Variants in SPRED1 observed in about 807,000 individuals in gnomAD.
SPRED1 encodes the protein sprouty-related, EVH1 domain-containing protein 1.
SPRED1 carries 18 observed loss-of-function variants against 52.3 expected under a neutral mutation model. That is an observed-to-expected ratio of 0.34 (90% CI 0.24 to 0.51). The LOEUF (loss-of-function observed/expected upper bound fraction) is 0.51, where lower values mean the gene tolerates loss of function less well. Ranked by LOEUF, SPRED1 falls within the 20% of genes least tolerant of loss-of-function variation. The pLI is 0.97. For missense variants in SPRED1, 485 were observed against 551.0 expected, an observed-to-expected ratio of 0.88 and a Z score of 1.20; for synonymous variants, 155 against 179.7, an observed-to-expected ratio of 0.86 and a Z score of 1.10.
chr15:38,346,350 T>C lies in SPRED1; in HGVS notation c.583-3072T>C, dbSNP rs368654794. On this transcript the variant is annotated intron_variant, in intron 5 of 6. Transcript: ENST00000299084. ...AAATCCTCTGGATGGATAGATACATTGTTTCAAAGTCTTATAGGCCTGGAA... is the reference window on the plus strand; with the variant it reads ...AAATCCTCTGGATGGATAGATACATCGTTTCAAAGTCTTATAGGCCTGGAA... Among the ~76,000 whole-genome samples, 19 of 152,166 alleles carry C rather than the reference T, an allele frequency of 1.2e-4. No individual in the cohort carries two copies. The East Asian group carries it at 3.3e-3, about 26-fold the overall frequency.
At position 38,319,099 on chromosome 15, in the gene SPRED1, T is replaced by C. The variant is rs929568487; in HGVS notation, c.208-3142T>C. ...ATTAAAAATTAATTTGGTGTTATTA[T>C]TATATATTAAAAAACTAGAATCAAA... On this transcript the variant is annotated intron_variant, in intron 2 of 6. Coordinates refer to ENST00000299084, the MANE Select transcript of SPRED1 (RefSeq NM_152594.3). Among the ~76,000 whole-genome samples, 10 of 149,480 alleles carry C rather than the reference T, an allele frequency of 6.7e-5. No individual in the cohort carries two copies. In the South Asian group the frequency reaches 2.1e-3, roughly 32 times the overall value.
At chr15:38,312,539 G>T (rs1025594571) in intron 2 of SPRED1, among the ~76,000 whole-genome samples, 3 of 152,048 alleles carry the variant, frequency 2.0e-5, no homozygotes, top group Non-Finnish European at 2.9e-5. Flanking sequence ...ATAAAAGGTG[G>T]TGACATTCTT....
intron 4 of SPRED1, among the ~76,000 whole-genome samples, chr15:38,327,614 C>T (rs1895730654): frequency 6.6e-6 from 1 of 152,196 alleles, no homozygotes; most frequent in Non-Finnish European, 1.5e-5. Flanking sequence ...CTGGAGCCTT[C>T]TAGCAACAAC....
At position 38,299,530 on chromosome 15, in the gene SPRED1, C is replaced by T. The variant is rs121434315; in HGVS notation, c.190C>T (p.Arg64Ter). 6.2e-7 allele frequency: 1 copy of T among 1,613,728 alleles called. No individual in the cohort carries two copies. The highest frequency in any genetic ancestry group is 8.5e-7 in the Non-Finnish European group (1 of 1,179,814). Reference protein sequence around the residue: ...GCADFFIRGERLRDKMVVLEC... With the variant: ...GCADFFIRGE ...TGCTGACTTTTTTATCCGTGGAGAG[C>T]GACTCAGGGACAAAATGGTAATGAA... The change falls in exon 2 of 7, where the codon CGA becomes TGA. Residue 64 changes from arginine to a stop codon, truncating the protein, a stop_gained. Coordinates refer to ENST00000299084, the MANE Select transcript of SPRED1 (RefSeq NM_152594.3). LOFTEE classifies it high-confidence loss of function.
intron 1 of SPRED1, among the ~76,000 whole-genome samples, chr15:38,279,914 C>T (rs11073312): frequency 0.83 from 125,521 of 152,078 alleles, 52,556 homozygotes; most frequent in Non-Finnish European, 0.9. Context: ...TAGGAGAGGG[C>T]TTTGATTAGC....
At chr15:38,311,622 C>G (rs1211960134) in intron 2 of SPRED1, among the ~76,000 whole-genome samples, 1 of 152,174 alleles carries the variant, frequency 6.6e-6, no homozygotes, top group Non-Finnish European at 1.5e-5. Context: ...TTCAGGTTAT[C>G]TATTTCATCA....
chr15:38,271,497 CTTA>C (rs1233939088), intron 1 of SPRED1, among the ~76,000 whole-genome samples: 1 of 152,144 alleles, frequency 6.6e-6, no homozygotes, highest in African/African-American at 2.4e-5. Flanking sequence ...TTATTGAGCA[CTTA>C]TTATATGTTA....
At chr15:38,264,874 G>A (rs184092662) in intron 1 of SPRED1, among the ~76,000 whole-genome samples, 2 of 152,274 alleles carry the variant, frequency 1.3e-5, no homozygotes, top group Admixed American at 6.5e-5. Flanking sequence ...TATCAGGAAC[G>A]AGTGATTCTG....
intron 5 of SPRED1, among the ~76,000 whole-genome samples, chr15:38,340,784 CT>C (rs2141008683): frequency 6.6e-6 from 1 of 152,224 alleles, no homozygotes; most frequent in African/African-American, 2.4e-5. Flanking sequence ...CCCGCCTCAG[CT>C]TCCCAAAGTG....
chr15:38,351,935 T>A lies in SPRED1; in HGVS notation c.*271T>A. The A allele has an allele frequency of 1.9e-6, 1 of 535,862 alleles. No homozygotes were observed. Among genetic ancestry groups the A allele is most frequent in the Non-Finnish European group, 3.3e-6 (1 of 299,624 alleles). The allele number at this position is 535,862 out of a possible 1,614,324, so 33.2% of individuals were successfully genotyped here. A position where few individuals can be genotyped will look rare whatever the true frequency, so the allele number is the denominator to read the frequency against. ...TATAAAAAGTCAGCATAAAATATGA[T>A]CCAACTAAAAGGGATTAATTTTTGG... On this transcript the variant is annotated 3_prime_UTR_variant, in exon 7 of 7. Coordinates refer to ENST00000299084, the MANE Select transcript of SPRED1 (RefSeq NM_152594.3).
In SPRED1 at chr15:38,351,215, T is replaced by C. The variant is rs554327738; in HGVS notation, c.886T>C (p.Cys296Arg). ...DSKKSDYLYS[C>R]GDETKLSSPK... Reference sequence around the variant, plus strand: ...TAAAAAATCAGACTATCTGTACTCTTGTGGGGATGAGACTAAGTTAAGTTC... The same window carrying C: ...TAAAAAATCAGACTATCTGTACTCTCGTGGGGATGAGACTAAGTTAAGTTC... Residue 296 changes from cysteine (C) to arginine (R), a missense_variant, in exon 7 of 7, where the codon TGT becomes CGT. Physicochemically the swap from Cys to Arg is radical, Grantham distance 180 (BLOSUM62 -3). Transcript: ENST00000299084. 1.1e-4 allele frequency: 178 copies of C among 1,614,130 alleles called. 1 individual carries two copies. In the South Asian group the frequency reaches 1.7e-3, roughly 15 times the overall value.
At chr15:38,278,609 A>G (rs1288771807) in intron 1 of SPRED1, among the ~76,000 whole-genome samples, 5 of 152,236 alleles carry the variant, frequency 3.3e-5, no homozygotes, top group Non-Finnish European at 7.3e-5. Context: ...ACCAGAATCT[A>G]TGGATGCTCA....
intron 4 of SPRED1, chr15:38,326,057 A>G (rs569149037): frequency 6.6e-6 from 1 of 152,306 alleles, no homozygotes; most frequent in Admixed American, 6.5e-5. Flanking sequence ...CTTTGAGGCG[A>G]GTTTTAGTGA....
Position 38,282,197 on chromosome 15 carries a change from A to T in SPRED1, c.33-17176A>T, listed in dbSNP as rs534837694. ...TAAGTTAACATTTCTTATTCTGGCCAGAATCGGTGGCTCATGCCTGTAATC... is the reference window on the plus strand; with the variant it reads ...TAAGTTAACATTTCTTATTCTGGCCTGAATCGGTGGCTCATGCCTGTAATC... On this transcript the variant is annotated intron_variant, in intron 1 of 6. Transcript: ENST00000299084. Among the ~76,000 whole-genome samples the T allele has an allele frequency of 1.6e-4, 25 of 152,202 alleles. No homozygotes were observed. In the South Asian group the frequency reaches 4.1e-3, roughly 25 times the overall value.
At chr15:38,301,697 C>T (rs774901448) in intron 2 of SPRED1, among the ~76,000 whole-genome samples, 23 of 152,056 alleles carry the variant, frequency 1.5e-4, no homozygotes, top group Non-Finnish European at 2.8e-4. Context: ...CTGGGTAATA[C>T]ACTGTGATCA....
chr15:38,318,599 G>A (rs1244358618), intron 2 of SPRED1, among the ~76,000 whole-genome samples: 2 of 152,164 alleles, frequency 1.3e-5, no homozygotes, highest in South Asian at 4.1e-4. Context: ...TCTTTCCCCT[G>A]TAGTAGTTCC....
chr15:38,344,146 C>T (rs918320608), intron 5 of SPRED1, among the ~76,000 whole-genome samples: 4 of 152,142 alleles, frequency 2.6e-5, no homozygotes, highest in Non-Finnish European at 5.9e-5. Flanking sequence ...CTCAGTTTAA[C>T]AGTTTTAAGT....
In SPRED1 at chr15:38,343,614, T is replaced by C. The variant is rs539323851; in HGVS notation, c.582+3719T>C. On this transcript the variant is annotated intron_variant, in intron 5 of 6. Transcript: ENST00000299084. ...TGAGTAGAGAGAGAACAAAAAAACTTCTAGATCATCTGGGAGCTTTTCTTC... is the reference window on the plus strand; with the variant it reads ...TGAGTAGAGAGAGAACAAAAAAACTCCTAGATCATCTGGGAGCTTTTCTTC... Among the ~76,000 whole-genome samples, 3 of 152,186 alleles carry C rather than the reference T, an allele frequency of 2.0e-5. No homozygotes were observed. The South Asian group carries it at 6.2e-4, about 32-fold the overall frequency.
At chr15:38,294,344 G>T (rs2140974563) in intron 1 of SPRED1, among the ~76,000 whole-genome samples, 1 of 152,214 alleles carries the variant, frequency 6.6e-6, no homozygotes, top group East Asian at 1.9e-4. Context: ...TTGGTGGTTG[G>T]TGGGGCGGAG....
Sources: gnomAD v4.1 joint callset for allele counts (sites outside exome capture counted in the v4.1 genomes callset) on GRCh38, gnomAD v4.1.1 for gene constraint, MANE v1.5 for transcripts, NCBI Gene and HGNC (gene_info 2026-07-23, HGNC 2026-07-21) for gene names.